SAMD12: variants seen among roughly 807,000 people sequenced by gnomAD.
SAMD12 encodes sterile alpha motif domain-containing protein 12.
A neutral mutation model predicts 15.0 loss-of-function variants in SAMD12; 9 were observed. The observed-to-expected ratio is 0.60, with a 90% CI of 0.36 to 1.05. The LOEUF (loss-of-function observed/expected upper bound fraction) is 1.05, where lower values mean the gene tolerates loss of function less well. Among genes scored for constraint, SAMD12 ranks in the 50% least tolerant of loss-of-function variants. The pLI, the probability that SAMD12 is intolerant of heterozygous loss-of-function variation, is 0.01. For missense variants in SAMD12, 230 were observed against 234.2 expected (o/e 0.98, Z 0.12); for synonymous variants, 86 against 90.1 (o/e 0.96, Z 0.25).
chr8:118,368,169 C>T (rs1039847535), intron 4 of SAMD12, among the ~76,000 whole-genome samples: 4 of 151,966 alleles, frequency 2.6e-5, no homozygotes, highest in Non-Finnish European at 4.4e-5. Context: ...TGCAAGGGTG[C>T]GAAGATTTTG....
At chr8:118,606,691 A>T (rs1347927134) in intron 1 of SAMD12, among the ~76,000 whole-genome samples, 1 of 152,200 alleles carries the variant, frequency 6.6e-6, no homozygotes, top group Non-Finnish European at 1.5e-5. Flanking sequence ...ACTGAGCATC[A>T]GATCAGCCAA....
At chr8:118,288,491 T>C (rs955602610) in intron 4 of SAMD12, 1 of 152,248 alleles carries the variant, frequency 6.6e-6, no homozygotes, top group Non-Finnish European at 1.5e-5. Context: ...CTTTGGAGAC[T>C]AGAAATCTAA....
the SAMD12 span, among the ~76,000 whole-genome samples, chr8:118,144,915 G>A: frequency 6.6e-6 from 1 of 152,208 alleles, no homozygotes; most frequent in Non-Finnish European, 1.5e-5. Context: ...TTAGGTTAAA[G>A]AGAGAGCAAT....
At chr8:118,481,013 G>T (rs764944638) in intron 2 of SAMD12, among the ~76,000 whole-genome samples, 20 of 152,192 alleles carry the variant, frequency 1.3e-4, no homozygotes, top group Non-Finnish European at 2.5e-4. Flanking sequence ...CACGATCTTG[G>T]CTCACTGCAT....
chr8:118,207,473 T>A (rs1819892405), intron 4 of SAMD12, among the ~76,000 whole-genome samples: 1 of 152,138 alleles, frequency 6.6e-6, no homozygotes, highest in Non-Finnish European at 1.5e-5. Flanking sequence ...GACAACTCTG[T>A]CCACTGGCAC....
chr8:118,438,513 C>T (rs979874778), intron 3 of SAMD12, among the ~76,000 whole-genome samples: 3 of 151,824 alleles, frequency 2.0e-5, no homozygotes, highest in Non-Finnish European at 2.9e-5. Context: ...TTTTGGTTCA[C>T]GCACCCGCCT....
intron 2 of SAMD12, among the ~76,000 whole-genome samples, chr8:118,536,130 G>A (rs1825834668): frequency 6.6e-6 from 1 of 152,036 alleles, no homozygotes. Flanking sequence ...CTACTTTTCT[G>A]TTTCCATTCC....
At chr8:118,515,046 T>C (rs1276463660) in intron 2 of SAMD12, among the ~76,000 whole-genome samples, 3 of 152,178 alleles carry the variant, frequency 2.0e-5, no homozygotes, top group African/African-American at 7.2e-5. Flanking sequence ...TGAGACGGAG[T>C]CTCACTCTGT....
the SAMD12 span, among the ~76,000 whole-genome samples, chr8:118,158,623 AG>A: frequency 1.3e-5 from 2 of 152,238 alleles, no homozygotes; most frequent in African/African-American, 4.8e-5. Flanking sequence ...CCTTCAAGCC[AG>A]GGATAGTCTG....
At chr8:118,451,425 G>A (rs892633024) in intron 2 of SAMD12, among the ~76,000 whole-genome samples, 1 of 152,168 alleles carries the variant, frequency 6.6e-6, no homozygotes, top group Non-Finnish European at 1.5e-5. Context: ...TCACCTTATC[G>A]TGGAAGGAGG....
intron 2 of SAMD12, among the ~76,000 whole-genome samples, chr8:118,452,790 C>G (rs1239888564): frequency 2.6e-5 from 4 of 152,210 alleles, no homozygotes; most frequent in African/African-American, 9.6e-5. Context: ...TGACTGGAAA[C>G]TATCTTGTTT....
intron 2 of SAMD12, among the ~76,000 whole-genome samples, chr8:118,534,689 C>T (rs991419805): frequency 1.3e-5 from 2 of 152,086 alleles, no homozygotes; most frequent in African/African-American, 4.8e-5. Flanking sequence ...TCATTTCATC[C>T]ATTTGATCTT....
intron 2 of SAMD12, among the ~76,000 whole-genome samples, chr8:118,536,176 A>T (rs1479785649): frequency 2.0e-5 from 3 of 152,068 alleles, no homozygotes; most frequent in Non-Finnish European, 4.4e-5. Context: ...CTAATTTTCT[A>T]TTAGGATATA....
rs115981061 is a variant in SAMD12 at position 118,615,716 on chromosome 8, G to T, written c.13+6088C>A. ...ACAGAACACAGCTACACCAGCAAAG[G>T]TTTCCCAGTTTCTGCTTCTCAGCAC... On this transcript the variant is annotated intron_variant, in intron 1 of 3. Coordinates refer to ENST00000314727, the MANE Select transcript of SAMD12 (RefSeq NM_207506.3). Among the ~76,000 whole-genome samples the T allele has an allele frequency of 8.5e-3, 1,300 of 152,264 alleles. 18 individuals carry two copies. The highest frequency in any genetic ancestry group is 0.03 in the African/African-American group (1,251 of 41,528).
chr8:118,420,600 T>C (rs1483783711), intron 3 of SAMD12, among the ~76,000 whole-genome samples: 1 of 152,196 alleles, frequency 6.6e-6, no homozygotes, highest in African/African-American at 2.4e-5. Flanking sequence ...GAAATAAATA[T>C]TCGTATAGAG....
chr8:118,169,128 T>C, the SAMD12 span, among the ~76,000 whole-genome samples: 1 of 152,182 alleles, frequency 6.6e-6, no homozygotes, highest in Non-Finnish European at 1.5e-5. Flanking sequence ...ACAGGCTCAA[T>C]TATACCTCAA....
intron 4 of SAMD12, among the ~76,000 whole-genome samples, chr8:118,339,734 T>C (rs1817257131): frequency 6.6e-6 from 1 of 152,218 alleles, no homozygotes; most frequent in South Asian, 2.1e-4. Flanking sequence ...AGTCCTCTCT[T>C]TCTCCTCCCT....
intron 4 of SAMD12, among the ~76,000 whole-genome samples, chr8:118,305,103 C>T (rs371605337): frequency 1.5e-5 from 2 of 130,522 alleles, no homozygotes; most frequent in East Asian, 2.3e-4. Context: ...GAGCCAAGAT[C>T]GCACCACTGC....
At chr8:118,167,187 C>T in the SAMD12 span, among the ~76,000 whole-genome samples, 8 of 151,848 alleles carry the variant, frequency 5.3e-5, no homozygotes. Flanking sequence ...TCCCCCCAGC[C>T]CCCCGCGCCC....
Sources: gnomAD v4.1 joint callset for allele counts (sites outside exome capture counted in the v4.1 genomes callset) on GRCh38, gnomAD v4.1.1 for gene constraint, MANE v1.5 for transcripts, NCBI Gene and HGNC (gene_info 2026-07-23, HGNC 2026-07-21) for gene names.